The following DPEP2 variants were observed in gnomAD, a reference collection of about 807,000 sequenced individuals.
DPEP2 encodes dipeptidase 2.
A neutral mutation model predicts 51.8 loss-of-function variants in DPEP2; 45 were observed. The observed-to-expected ratio is 0.87, with a 90% CI of 0.68 to 1.11. DPEP2 has a LOEUF of 1.11. Ranked by LOEUF, DPEP2 falls within the 50% of genes most tolerant of loss-of-function variation. The pLI, the probability that DPEP2 is intolerant of heterozygous loss-of-function variation, is 0.00. For synonymous variants in DPEP2, 255 were observed against 262.7 expected (o/e 0.97, Z 0.28); for missense variants, 604 against 631.9 (o/e 0.96, Z 0.47).
chr16:67,988,417 AGAAAG>A (rs2031696373), intron 9 of DPEP2, among the ~76,000 whole-genome samples: 2 of 151,652 alleles, frequency 1.3e-5, no homozygotes, highest in African/African-American at 4.9e-5. Flanking sequence ...AAGAAAGGAA[AGAAAG>A]GAAAGAAAGA....
In DPEP2 at chr16:67,990,819, A is replaced by G. The variant is rs776823992; in HGVS notation, c.909+2T>C. 2.5e-6 allele frequency: 4 copies of G among 1,610,482 alleles called. No homozygotes were observed. The highest frequency in any genetic ancestry group is 1.7e-5 in the Admixed American group (1 of 59,796). The stretch of plus-strand genomic sequence containing the variant: ...AGGTTCCTGGGCTGGGCAGTTTCTC[A>G]CCAGAAGCTGCAGGATGTCATCAGG... On this transcript the variant is annotated splice_donor_variant, in intron 7 of 10. Transcript: ENST00000393847. LOFTEE classifies it high-confidence loss of function.
intron 8 of DPEP2, 105 bp from the exon 9 acceptor site, chr16:67,989,503 G>A (rs187321813): frequency 4.3e-5 from 52 of 1,209,890 alleles, no homozygotes; most frequent in Admixed American, 1.3e-4. Context: ...TGTGGGCCAG[G>A]CAGGCTAATT....
intron 1 of DPEP2, among the ~76,000 whole-genome samples, chr16:67,998,256 C>A (rs1258806552): frequency 1.3e-5 from 2 of 151,718 alleles, no homozygotes; most frequent in Non-Finnish European, 2.9e-5. Flanking sequence ...GCGGCGCTTG[C>A]GGGCCAGCTG....
intron 2 of DPEP2, 141 bp downstream of exon 2, chr16:67,992,809 A>AGAG (rs2032337833): frequency 6.8e-7 from 1 of 1,478,072 alleles, no homozygotes; most frequent in African/African-American, 1.4e-5. Context: ...GACAGAGGGG[A>AGAG]AAGGGTACCC....
upstream of DPEP2, chr16:68,000,433 G>A (rs2032954354): frequency 4.1e-6 from 4 of 985,340 alleles, no homozygotes; most frequent in Non-Finnish European, 1.2e-6. Flanking sequence ...GAGGTGGGGT[G>A]CAGCTGGGGC....
At position 67,992,138 on chromosome 16, in the gene DPEP2, G is replaced by A; in HGVS notation, c.446C>T (p.Thr149Ile). Residue 149 changes from threonine to isoleucine, a missense_variant, in exon 4 of 11, where the codon ACC (threonine) becomes ATC (isoleucine). Coordinates refer to ENST00000393847, the MANE Select transcript of DPEP2 (RefSeq NM_022355.4). ...QTQDRDALRL[T>I]LEQIDLIRRM... Reference sequence around the variant, plus strand: ...GCGTATGAGGTCAATCTGCTCCAGGGTGAGGCGCAGGGCATCCCGGTCCTG... The same window carrying A: ...GCGTATGAGGTCAATCTGCTCCAGGATGAGGCGCAGGGCATCCCGGTCCTG... 6.2e-7 allele frequency: 1 copy of A among 1,614,194 alleles called. No individual in the cohort carries two copies. The highest frequency in any genetic ancestry group is 8.5e-7 in the Non-Finnish European group (1 of 1,180,040).
rs752787855 is a variant in DPEP2 at position 67,991,894 on chromosome 16, G to T, written c.606C>A (p.Thr202=). 2.0e-5 allele frequency: 33 copies of T among 1,614,184 alleles called. No individual in the cohort carries two copies. The Admixed American group carries it at 5.3e-4, about 26-fold the overall frequency. Residue 202 remains threonine (T), a synonymous_variant, in exon 5 of 11, where the codon ACC becomes ACA. Coordinates refer to ENST00000393847, the MANE Select transcript of DPEP2 (RefSeq NM_022355.4). The surrounding 1 kb of genome is among the most constrained non-coding windows in gnomAD (Gnocchi z 5.1). The stretch of plus-strand genomic sequence containing the variant: ...GGTAGCGCACTCCCAGCATGTAGAA[G>T]GTACGTAAGATGGAGAGGCTATTGT... ...SLDNSLSILR[T]FYMLGVRYLT...
chr16:67,989,387 G>T lies in DPEP2; in HGVS notation c.1006C>A (p.His336Asn), dbSNP rs777214198. The change falls in exon 9 of 11, where the codon CAC becomes AAC. Residue 336 changes from histidine (H) to asparagine (N), a missense_variant. Physicochemically the swap from His to Asn is moderately conservative, Grantham distance 68. Transcript: ENST00000393847. The part of the protein sequence containing the change: ...NVSTVADHFD[H>N]IKAVIGSKFI... Reference sequence around the variant, plus strand: ...TTGGATCCAATGACAGCCTTGATGTGGTCGAAGTGATCTGGGGAGGGGGAA... The same window carrying T: ...TTGGATCCAATGACAGCCTTGATGTTGTCGAAGTGATCTGGGGAGGGGGAA... 3.7e-6 allele frequency: 6 copies of T among 1,614,186 alleles called. No homozygotes were observed. The highest frequency in any genetic ancestry group is 5.1e-6 in the Non-Finnish European group (6 of 1,180,024).
upstream of DPEP2, chr16:68,000,462 T>G: frequency 1.0e-6 from 1 of 985,384 alleles, no homozygotes; most frequent in Non-Finnish European, 1.2e-6. Context: ...TATCCAGCAG[T>G]GCCCAGATGA....
intron 1 of DPEP2, chr16:67,993,969 G>A (rs1175985403): frequency 2.2e-5 from 22 of 985,164 alleles, no homozygotes; most frequent in Non-Finnish European, 2.7e-5. Context: ...TCTCCAATCA[G>A]CCTTAGGAAA....
chr16:67,999,398 C>T lies in DPEP2; in HGVS notation c.-69G>A, dbSNP rs1477268521. ...ACCTTAAGAGCTGTAACACTCACTG[C>T]GAGGGTCTGCAGCTTCATTCTAGAA... On this transcript the variant is annotated 5_prime_UTR_variant, in exon 1 of 11. Transcript: ENST00000393847. The T allele has an allele frequency of 6.6e-6, 5 of 755,814 alleles. No homozygotes were observed. The highest frequency in any genetic ancestry group is 1.3e-4 in the East Asian group (1 of 7,844). The allele number at this position is 755,814 out of a possible 1,614,324, so 46.8% of individuals were successfully genotyped here.
intron 1 of DPEP2, among the ~76,000 whole-genome samples, chr16:67,996,168 C>T (rs916683799): frequency 2.0e-5 from 3 of 150,904 alleles, no homozygotes; most frequent in African/African-American, 7.3e-5. Context: ...CCTCCCGAGT[C>T]TGGGACTACA....
chr16:67,993,301 G>A (rs1411022263), intron 1 of DPEP2, 44 bp from the exon 2 acceptor site: 3 of 1,353,500 alleles, frequency 2.2e-6, no homozygotes, highest in South Asian at 3.6e-5. Context: ...ATGGAGTCCC[G>A]ACCCTCGATT....
Position 67,987,412 on chromosome 16 carries a change from T to C in DPEP2, c.*94A>G. ...AGGTCTGTTTCTATGTCCAAAACAT[T>C]TATTTCAGGAAATATTTGTGCCTGC... On this transcript the variant is annotated 3_prime_UTR_variant, in exon 11 of 11. Coordinates refer to ENST00000393847, the MANE Select transcript of DPEP2 (RefSeq NM_022355.4). The C allele has an allele frequency of 6.6e-7, 1 of 1,505,034 alleles. No individual in the cohort carries two copies. The highest frequency in any genetic ancestry group is 2.3e-5 in the East Asian group (1 of 43,928). The allele number at this position is 1,505,034 out of a possible 1,614,324, so 93.2% of individuals were successfully genotyped here.
intron 1 of DPEP2, among the ~76,000 whole-genome samples, chr16:67,998,600 G>C (rs1175604333): frequency 6.6e-6 from 1 of 152,242 alleles, no homozygotes; most frequent in Non-Finnish European, 1.5e-5. Context: ...GAGGAGTGCG[G>C]GCGCATGGCG....
At chr16:67,997,346 A>C (rs1255235970) in intron 1 of DPEP2, among the ~76,000 whole-genome samples, 1 of 149,856 alleles carries the variant, frequency 6.7e-6, no homozygotes, top group Non-Finnish European at 1.5e-5. Flanking sequence ...CAAATTTTTT[A>C]TTTTTATATT....
At chr16:67,988,160 C>G in intron 9 of DPEP2, 173 bp from the exon 10 acceptor site, 1 of 704,650 alleles carries the variant, frequency 1.4e-6, no homozygotes, top group Admixed American at 2.9e-5. Context: ...TCAAAACCTC[C>G]TTGAATATTT....
At chr16:67,997,353 T>A (rs2032761368) in intron 1 of DPEP2, among the ~76,000 whole-genome samples, 3 of 149,532 alleles carry the variant, frequency 2.0e-5, no homozygotes, top group African/African-American at 5.0e-5. Flanking sequence ...TTTATTTTTA[T>A]ATTTATTTGT....
chr16:67,992,749 T>C (rs1255721250), intron 2 of DPEP2, 113 bp from the exon 3 acceptor site: 17 of 1,527,656 alleles, frequency 1.1e-5, no homozygotes, highest in Non-Finnish European at 1.5e-5. Context: ...CACATGACTA[T>C]ACTGAGATCC....
Sources: allele counts gnomAD v4.1 joint callset (sites outside exome capture counted in the v4.1 genomes callset), GRCh38; gene constraint gnomAD v4.1.1; non-coding constraint Gnocchi (gnomAD v3.1); transcripts MANE v1.5; gene names NCBI Gene and HGNC (gene_info 2026-07-23, HGNC 2026-07-21).